COL1A1: variants seen among roughly 807,000 people sequenced by gnomAD.
The protein encoded by COL1A1 is collagen type I alpha 1 chain.
COL1A1 carries 21 observed loss-of-function variants against 195.7 expected under a neutral mutation model. The observed-to-expected ratio is 0.11, with a 90% CI of 0.08 to 0.15. The LOEUF (loss-of-function observed/expected upper bound fraction) is 0.15. Among genes scored for constraint, COL1A1 ranks in the 10% least tolerant of loss-of-function variants. The pLI, the probability that COL1A1 is intolerant of heterozygous loss-of-function variation, is 1.00. For synonymous variants in COL1A1, 749 were observed against 747.3 expected (o/e 1.00, Z -0.04); for missense variants, 1,365 against 2,051.0 (o/e 0.67, Z 6.46).
Position 50,195,913 on chromosome 17 carries a change from G to C in COL1A1, c.1056+10C>G. On this transcript the variant is annotated intron_variant, in intron 16 of 50. Transcript: ENST00000225964. This position sits in a 1 kb window ranked among gnomAD's most constrained non-coding sequence, Gnocchi z 4.3. Reference sequence around the variant, plus strand: ...GAGGGTCATGCTTAGAGGAGAGTGGGGGGTCTCACCTTAGCACCAACAGCA... The same window carrying C: ...GAGGGTCATGCTTAGAGGAGAGTGGCGGGTCTCACCTTAGCACCAACAGCA... 1 of 1,574,378 alleles carries C rather than the reference G, an allele frequency of 6.4e-7. No homozygotes were observed. Among genetic ancestry groups the C allele is most frequent in the Non-Finnish European group, 8.6e-7 (1 of 1,159,264 alleles).
chr17:50,196,158 G>A lies in COL1A1; in HGVS notation c.999C>T (p.Pro333=), dbSNP rs62637627. ...GAGGCCTACAGGCCACACTCACAGG[G>A]GGCCCGGCAGCACCAGTAGCACCAT... ...GNDGATGAAG[P]PGPTGPAGPP... Residue 333 remains proline (P), a synonymous_variant, in exon 15 of 51, where the codon CCC becomes CCT. Coordinates refer to ENST00000225964, the MANE Select transcript of COL1A1 (RefSeq NM_000088.4). The A allele has an allele frequency of 3.9e-4, 633 of 1,614,002 alleles. 3 individuals are homozygous for A. The African/African-American group carries it at 7.0e-3, about 18-fold the overall frequency.
chr17:50,191,023 TCTGCC>T, intron 32 of COL1A1, 99 bp from the exon 33 acceptor site: 1 of 1,135,140 alleles, frequency 8.8e-7, no homozygotes, highest in South Asian at 1.3e-5. Context: ...CCTCTGCAGC[TCTGCC>T]CTGCCTCCAC....
In COL1A1 at chr17:50,194,759, G is replaced by A. The variant is rs1394634754; in HGVS notation, c.1423C>T (p.Pro475Ser). The A allele has an allele frequency of 6.4e-7, 1 of 1,573,480 alleles. No homozygotes were observed. Among genetic ancestry groups the A allele is most frequent in the Non-Finnish European group, 8.6e-7 (1 of 1,158,610 alleles). The change falls in exon 21 of 51, where the codon CCC (proline) becomes TCC (serine). Residue 475 changes from proline (P) to serine (S), a missense_variant. By Grantham distance (74) the Pro-to-Ser change is moderately conservative (BLOSUM62 -1). Transcript: ENST00000225964. The surrounding 1 kb of genome is among the most constrained non-coding windows in gnomAD (Gnocchi z 6.8). ...GGTCCGGGCAGGCCAGTGGGTCCGG[G>A]TTCACCTCGAGCTCCTCGCTTTCCT... is the stretch of plus-strand genomic sequence containing the variant. ...EEGKRGARGE[P>S]GPTGLPGPPG... is the part of the protein sequence containing the mutation.
rs1411900308 is a variant in COL1A1 at position 50,193,714 on chromosome 17, C to G, written c.1767+229G>C. The G allele has an allele frequency of 7.3e-6, 4 of 551,518 alleles. No homozygotes were observed. The African/African-American group carries it at 7.5e-5, about 10-fold the overall frequency. The allele number at this position is 551,518 out of a possible 1,614,324, so 34.2% of individuals were successfully genotyped here. On this transcript the variant is annotated intron_variant, in intron 25 of 50. Coordinates refer to ENST00000225964, the MANE Select transcript of COL1A1 (RefSeq NM_000088.4). ...GCCCGACTGGTCTCAAACTCCTGAC[C>G]TCATGGTCTGCCCGCCTTGGCCTCC...
intron 25 of COL1A1, 106 bp downstream of exon 25, chr17:50,193,837 G>T: frequency 1.0e-6 from 1 of 977,620 alleles, no homozygotes; most frequent in Non-Finnish European, 1.6e-6. Context: ...GAGAGTGAGT[G>T]GCCACACGGC....
chr17:50,192,418 C>A (rs1022705453), intron 29 of COL1A1, 57 bp downstream of exon 29: 1 of 1,536,982 alleles, frequency 6.5e-7, no homozygotes, highest in Non-Finnish European at 8.8e-7. Flanking sequence ...GGAGCGGGGG[C>A]CTGTCCCTCT....
intron 3 of COL1A1, 30 bp from the exon 4 acceptor site, chr17:50,199,483 G>C: frequency 6.2e-7 from 1 of 1,614,194 alleles, no homozygotes; most frequent in Non-Finnish European, 8.5e-7. Context: ...GAAACAAGAG[G>C]CCAGGTTAGA....
In COL1A1 at chr17:50,188,294, C is replaced by T. The variant is rs1906734740; in HGVS notation, c.3208-145G>A. Reference sequence around the variant, plus strand: ...TCTCCCAACTCCCAGGGAAACCTCCCCACTGCAATCTTCACGGGAGCTGGG... The same window carrying T: ...TCTCCCAACTCCCAGGGAAACCTCCTCACTGCAATCTTCACGGGAGCTGGG... On this transcript the variant is annotated intron_variant, in intron 43 of 50. Coordinates refer to ENST00000225964, the MANE Select transcript of COL1A1 (RefSeq NM_000088.4). The surrounding 1 kb of genome is among the most constrained non-coding windows in gnomAD (Gnocchi z 5.6). 2.2e-6 allele frequency: 2 copies of T among 916,262 alleles called. No homozygotes were observed. The highest frequency in any genetic ancestry group is 3.3e-6 in the Non-Finnish European group (2 of 610,048). 56.8% of individuals were successfully genotyped at this position (916,262 alleles called of 1,614,324 possible).
At position 50,196,628 on chromosome 17, in the gene COL1A1, C is replaced by A. The variant is rs1483043158; in HGVS notation, c.847G>T (p.Ala283Ser). The change falls in exon 12 of 51, where the codon GCT (alanine) becomes TCT (serine). Residue 283 changes from alanine (A) to serine (S), a missense_variant. Around this residue, in one of 5 missense-constraint regions of COL1A1, gnomAD observed 226 missense variants for 372.9 expected, o/e 0.61. Transcript: ENST00000225964. The part of the protein sequence containing the change: ...LDGAKGDAGP[A>S]GPKGEPGSPG... Reference sequence around the variant, plus strand: ...AGACAGCCTCTTACCTTAGGACCAGCAGGACCAGCATCTCCCTTGGCACCA... The same window carrying A: ...AGACAGCCTCTTACCTTAGGACCAGAAGGACCAGCATCTCCCTTGGCACCA... 6.2e-7 allele frequency: 1 copy of A among 1,614,170 alleles called. No homozygotes were observed. The highest frequency in any genetic ancestry group is 2.2e-5 in the East Asian group (1 of 44,882).
At chr17:50,196,039 G>A (rs921255837) in intron 15 of COL1A1, 63 bp from the exon 16 acceptor site, 3 of 1,601,906 alleles carry the variant, frequency 1.9e-6, no homozygotes, top group Non-Finnish European at 2.6e-6. Flanking sequence ...CACACCCTGG[G>A]ACAGAGGAAG....
chr17:50,187,981 T>C lies in COL1A1; in HGVS notation c.3264A>G (p.Gly1088=), dbSNP rs1434516627. 1 of 1,613,624 alleles carries C rather than the reference T, an allele frequency of 6.2e-7. No individual in the cohort carries two copies. Among genetic ancestry groups the C allele is most frequent in the Non-Finnish European group, 8.5e-7 (1 of 1,179,928 alleles). The change falls in exon 45 of 51, where the codon GGA becomes GGG. Residue 1088 remains glycine (G), a splice_region_variant and synonymous_variant. Coordinates refer to ENST00000225964, the MANE Select transcript of COL1A1 (RefSeq NM_000088.4). The part of the protein sequence containing the change: ...VGPVGARGPA[G]PQGPRGDKGE... ...CCTTGTCACCACGGGGGCCTTGGGG[T>C]CCCTAGAAGAGAGAAAGGGACAAAC...
rs930476771 is a variant in COL1A1 at position 50,196,336 on chromosome 17, C to A, written c.935G>T (p.Arg312Leu). ...TACAGCAGGGCCAGGGGCTCCAGGG[C>A]GACCTCTCTCACCAGGCAGGCCACG... ...GPRGLPGERG[R>L]PGAPGPAGAR... The change falls in exon 14 of 51, where the codon CGC becomes CTC. Residue 312 changes from arginine (R) to leucine (L), a missense_variant. By Grantham distance (102) the Arg-to-Leu change is moderately radical. Coordinates refer to ENST00000225964, the MANE Select transcript of COL1A1 (RefSeq NM_000088.4). 2 of 1,610,966 alleles carry A rather than the reference C, an allele frequency of 1.2e-6. No homozygotes were observed. The highest frequency in any genetic ancestry group is 1.1e-5 in the South Asian group (1 of 90,722).
At chr17:50,192,120 AT>A in intron 29 of COL1A1, 96 bp from the exon 30 acceptor site, 2 of 1,299,802 alleles carry the variant, frequency 1.5e-6, no homozygotes, top group Non-Finnish European at 2.2e-6. Context: ...TCTGGCCGTG[AT>A]TAGAGAGGAA....
At position 50,198,262 on chromosome 17, in the gene COL1A1, A is replaced by G. The variant is rs901075309; in HGVS notation, c.544-57T>C. On this transcript the variant is annotated intron_variant, in intron 6 of 50. Transcript: ENST00000225964. The stretch of plus-strand genomic sequence containing the variant: ...GATCCCTCTGTAGGAAAGCATGTGG[A>G]TGTAGTCATTCATGCCTGTTGGGAC... The G allele has an allele frequency of 2.5e-6, 4 of 1,599,292 alleles. No homozygotes were observed. The Admixed American group carries it at 5.0e-5, about 20-fold the overall frequency.
At position 50,199,321 on chromosome 17, in the gene COL1A1, C is replaced by T. The variant is rs1424117367; in HGVS notation, c.376G>A (p.Ala126Thr). 3 of 1,556,088 alleles carry T rather than the reference C, an allele frequency of 1.9e-6. No homozygotes were observed. Among genetic ancestry groups the T allele is most frequent in the Non-Finnish European group, 2.6e-6 (3 of 1,149,698 alleles). Residue 126 changes from alanine (A) to threonine (T), a missense_variant, in exon 5 of 51, where the codon GCA becomes ACA. Ala to Thr is a moderately conservative substitution (Grantham distance 58). Coordinates refer to ENST00000225964, the MANE Select transcript of COL1A1 (RefSeq NM_000088.4). Reference protein sequence around the residue: ...DTGPRGPRGPAGPPGRDGIPG... With the variant: ...DTGPRGPRGPTGPPGRDGIPG... ...ATGCCATCTCGGCCAGGGGGGCCTG[C>T]GGGTCCCTGCAGGGGGAGAGGGCGG...
Position 50,189,074 on chromosome 17 carries a change from T to C in COL1A1, c.2938-64A>G. The C allele has an allele frequency of 5.1e-6, 8 of 1,571,636 alleles. No individual in the cohort carries two copies. The highest frequency in any genetic ancestry group is 6.1e-6 in the Non-Finnish European group (7 of 1,142,118). ...GGGAGGACCCTTGAGTCCGCTGGAG[T>C]CATCTCTACCAAATCTGTTCTCCTT... On this transcript the variant is annotated intron_variant, in intron 40 of 50. Coordinates refer to ENST00000225964, the MANE Select transcript of COL1A1 (RefSeq NM_000088.4). This position sits in a 1 kb window ranked among gnomAD's most constrained non-coding sequence, Gnocchi z 5.5.
Position 50,185,437 on chromosome 17 carries a change from G to C in COL1A1, c.*65C>G, listed in dbSNP as rs1906403528. 3 of 1,602,478 alleles carry C rather than the reference G, an allele frequency of 1.9e-6. No individual in the cohort carries two copies. In the African/African-American group the frequency reaches 4.0e-5, roughly 21 times the overall value. On this transcript the variant is annotated 3_prime_UTR_variant, in exon 51 of 51. Transcript: ENST00000225964. ...TGAGGGGGTTCAGTTTGGGTTGCTTGTCTGTTTCCGGGTTGGGGGGAAAGT... is the reference window on the plus strand; with the variant it reads ...TGAGGGGGTTCAGTTTGGGTTGCTTCTCTGTTTCCGGGTTGGGGGGAAAGT...
rs146693714 is a variant in COL1A1 at position 50,186,986 on chromosome 17, A to C, written c.3531+29T>G. Reference sequence around the variant, plus strand: ...CAAGTGCTTTGGGGGCTGGAGGGCCATGAGCAGAGGGGATGAGGGGCTACA... The same window carrying C: ...CAAGTGCTTTGGGGGCTGGAGGGCCCTGAGCAGAGGGGATGAGGGGCTACA... On this transcript the variant is annotated intron_variant, in intron 47 of 50. Transcript: ENST00000225964. This position sits in a 1 kb window ranked among gnomAD's most constrained non-coding sequence, Gnocchi z 5.3. 2.1e-4 allele frequency: 337 copies of C among 1,611,246 alleles called. 1 individual carries two copies. The African/African-American group carries it at 4.3e-3, about 21-fold the overall frequency.
Position 50,199,220 on chromosome 17 carries a change from A to G in COL1A1, c.471+6T>C, listed in dbSNP as rs1276599083. On this transcript the variant is annotated splice_donor_region_variant and intron_variant, in intron 5 of 50. Coordinates refer to ENST00000225964, the MANE Select transcript of COL1A1 (RefSeq NM_000088.4). The stretch of plus-strand genomic sequence containing the variant: ...GAGAGTGGACACACAAGGCCTCTCC[A>G]CTTACTCCTCCGAGGCCAGGGGGTC... 8.2e-6 allele frequency: 12 copies of G among 1,456,108 alleles called. No homozygotes were observed. Among genetic ancestry groups the G allele is most frequent in the Non-Finnish European group, 1.1e-5 (12 of 1,101,660 alleles). The allele number at this position is 1,456,108 out of a possible 1,614,324, so 90.2% of individuals were successfully genotyped here. A position where few individuals can be genotyped will look rare whatever the true frequency, so the allele number is the denominator to read the frequency against.
Sources: allele counts gnomAD v4.1 joint callset, GRCh38; gene constraint gnomAD v4.1.1; regional missense constraint gnomAD v4.1.1; non-coding constraint Gnocchi (gnomAD v3.1); transcripts MANE v1.5; gene names NCBI Gene and HGNC (gene_info 2026-07-23, HGNC 2026-07-21).